ITPKC: variants seen among roughly 807,000 people sequenced by gnomAD.
ITPKC encodes the protein inositol-trisphosphate 3-kinase C.
A neutral mutation model predicts 67.1 loss-of-function variants in ITPKC; 33 were observed. That is an observed-to-expected ratio of 0.49 (90% CI 0.37 to 0.66). The LOEUF (loss-of-function observed/expected upper bound fraction) is 0.66, where lower values mean the gene tolerates loss of function less well. Among genes scored for constraint, ITPKC ranks in the 30% least tolerant of loss-of-function variants. ITPKC has a pLI of 0.00. For missense variants in ITPKC, 820 were observed against 892.1 expected, an observed-to-expected ratio of 0.92 and a Z score of 1.03; for synonymous variants, 341 against 359.8, an observed-to-expected ratio of 0.95 and a Z score of 0.59.
In ITPKC at chr19:40,740,587, G is replaced by T. The variant is rs1046109162; in HGVS notation, c.*1027G>T. On this transcript the variant is annotated 3_prime_UTR_variant, in exon 7 of 7. Coordinates refer to ENST00000263370, the MANE Select transcript of ITPKC (RefSeq NM_025194.3). The stretch of plus-strand genomic sequence containing the variant: ...AAACCAAAGACTGTAGAACCCTGGG[G>T]TGTGGCTAACGGCCCCTCCAGCACC... 1 of 223,566 alleles carries T rather than the reference G, an allele frequency of 4.5e-6. No homozygotes were observed. The highest frequency in any genetic ancestry group is 8.9e-5 in the East Asian group (1 of 11,206). The allele number at this position is 223,566 out of a possible 1,614,324, so 13.8% of individuals were successfully genotyped here.
In ITPKC at chr19:40,739,473, G is replaced by A. The variant is rs1228164428; in HGVS notation, c.1965G>A (p.Leu655=). Residue 655 remains leucine, a synonymous_variant, in exon 7 of 7, where the codon CTG becomes CTA. Transcript: ENST00000263370. ...LPDHQTLSHR[L]PWAEGNREDG... ...ACCACCAGACGCTCAGCCACAGGCT[G>A]CCCTGGGCTGAGGGCAACCGTGAGG... 6.2e-7 allele frequency: 1 copy of A among 1,613,522 alleles called. No individual in the cohort carries two copies. The highest frequency in any genetic ancestry group is 8.5e-7 in the Non-Finnish European group (1 of 1,180,034).
Position 40,740,130 on chromosome 19 carries a change from G to A in ITPKC, c.*570G>A, listed in dbSNP as rs559324942. The A allele has an allele frequency of 6.5e-6, 1 of 154,548 alleles. No homozygotes were observed. Among genetic ancestry groups the A allele is most frequent in the African/African-American group, 2.4e-5 (1 of 41,596 alleles). 9.6% of individuals were successfully genotyped at this position (154,548 alleles called of 1,614,324 possible). A position where few individuals can be genotyped will look rare whatever the true frequency, so the allele number is the denominator to read the frequency against. On this transcript the variant is annotated 3_prime_UTR_variant, in exon 7 of 7. Transcript: ENST00000263370. ...GAGCGACAAGAGGCTCAGAGGGCAT[G>A]ACCCCATGGGACTGGATGCGGCCTG...
At chr19:40,726,646 T>C (rs1295236064) in intron 2 of ITPKC, among the ~76,000 whole-genome samples, 1 of 152,194 alleles carries the variant, frequency 6.6e-6, no homozygotes, top group Non-Finnish European at 1.5e-5. Flanking sequence ...GCCTTGTTTG[T>C]CTTTAGATCT....
chr19:40,721,139 A>T (rs2082220302), intron 1 of ITPKC, among the ~76,000 whole-genome samples: 1 of 151,898 alleles, frequency 6.6e-6, no homozygotes, highest in Non-Finnish European at 1.5e-5. Flanking sequence ...TTGCTGGGGA[A>T]ACAGCAGTGA....
Position 40,733,332 on chromosome 19 carries a change from T to A in ITPKC, c.1642T>A (p.Ser548Thr). The A allele has an allele frequency of 6.2e-7, 1 of 1,613,054 alleles. No homozygotes were observed. Among genetic ancestry groups the A allele is most frequent in the Non-Finnish European group, 8.5e-7 (1 of 1,179,550 alleles). Residue 548 changes from serine to threonine, a missense_variant, in exon 4 of 7, where the codon TCT becomes ACT. Coordinates refer to ENST00000263370, the MANE Select transcript of ITPKC (RefSeq NM_025194.3). ...GTGGAGGGAAACCATGAGCTCCACC[T>A]CTACCCTGGGCTTCCGGATCGAGGG... ...MQWRETMSST[S>T]TLGFRIEGIK... is the part of the protein sequence containing the mutation.
chr19:40,733,294 C>T lies in ITPKC; in HGVS notation c.1604C>T (p.Pro535Leu), dbSNP rs762643545. The change falls in exon 4 of 7, where the codon CCC (proline) becomes CTC (leucine). Residue 535 changes from proline to leucine, a missense_variant. Coordinates refer to ENST00000263370, the MANE Select transcript of ITPKC (RefSeq NM_025194.3). ...EEHAQGAVTK[P>L]RYMQWRETMS... ...CATGCCCAGGGTGCAGTCACCAAGC[C>T]CCGCTACATGCAGTGGAGGGAAACC... 2.5e-6 allele frequency: 4 copies of T among 1,613,924 alleles called. No individual in the cohort carries two copies. Among genetic ancestry groups the T allele is most frequent in the Admixed American group, 1.7e-5 (1 of 59,988 alleles).
intron 4 of ITPKC, among the ~76,000 whole-genome samples, chr19:40,734,579 C>T (rs1483749321): frequency 6.6e-6 from 1 of 151,888 alleles, no homozygotes; most frequent in East Asian, 1.9e-4. Context: ...GTAGGGCCCT[C>T]TAGGATCTAG....
At chr19:40,736,878 T>C in intron 4 of ITPKC, 108 bp from the exon 5 acceptor site, 1 of 644,950 alleles carries the variant, frequency 1.6e-6, no homozygotes, top group Non-Finnish European at 2.8e-6. Flanking sequence ...TTGCCCAGGC[T>C]GGTCTTGGCC....
intron 1 of ITPKC, among the ~76,000 whole-genome samples, chr19:40,721,316 A>G (rs948964658): frequency 6.6e-6 from 1 of 151,648 alleles, no homozygotes; most frequent in African/African-American, 2.4e-5. Flanking sequence ...AGCTGAGACC[A>G]TTGTGAAAAA....
At chr19:40,737,945 G>A (rs2082302452) in intron 6 of ITPKC, among the ~76,000 whole-genome samples, 176 bp downstream of exon 6, 1 of 148,746 alleles carries the variant, frequency 6.7e-6, no homozygotes, top group Non-Finnish European at 1.5e-5. Context: ...GAGCCCAGGA[G>A]TGCCAAGACC....
At chr19:40,735,118 T>C (rs1048283088) in intron 4 of ITPKC, among the ~76,000 whole-genome samples, 6 of 151,930 alleles carry the variant, frequency 3.9e-5, no homozygotes. Context: ...GGGGTTTCAC[T>C]ATGTTGACCA....
chr19:40,725,289 C>G, intron 1 of ITPKC, 51 bp from the exon 2 acceptor site: 1 of 1,225,558 alleles, frequency 8.2e-7, no homozygotes, highest in South Asian at 1.2e-5. Flanking sequence ...ACCTCTAGCC[C>G]CTGCCTTCCC....
In ITPKC at chr19:40,718,146, T is replaced by C; in HGVS notation, c.1011T>C (p.Pro337=). Residue 337 remains proline (P), a synonymous_variant, in exon 1 of 7, where the codon CCT becomes CCC. Coordinates refer to ENST00000263370, the MANE Select transcript of ITPKC (RefSeq NM_025194.3). ...GCCTCATCATTACCCCTGAGACCCCTGAGCCTGAGGCCCAGCCAGTGGGAC... is the reference window on the plus strand; with the variant it reads ...GCCTCATCATTACCCCTGAGACCCCCGAGCCTGAGGCCCAGCCAGTGGGAC... The part of the protein sequence containing the change: ...VPRLIITPET[P]EPEAQPVGPP... 6.2e-7 allele frequency: 1 copy of C among 1,605,338 alleles called. No individual in the cohort carries two copies. The highest frequency in any genetic ancestry group is 8.5e-7 in the Non-Finnish European group (1 of 1,176,558).
intron 5 of ITPKC, 70 bp downstream of exon 5, chr19:40,737,157 CA>C: frequency 9.6e-7 from 1 of 1,043,460 alleles, no homozygotes; most frequent in Non-Finnish European, 1.4e-6. Context: ...GCTCCAGAGT[CA>C]GTGGTCTTCT....
chr19:40,729,155 C>T (rs745891358), intron 2 of ITPKC, 47 bp from the exon 3 acceptor site: 27 of 1,505,616 alleles, frequency 1.8e-5, no homozygotes, highest in African/African-American at 6.9e-5. Flanking sequence ...GAGAGGTTCT[C>T]TTCCTGATCC....
At chr19:40,723,688 G>A (rs543908678) in intron 1 of ITPKC, among the ~76,000 whole-genome samples, 1 of 151,952 alleles carries the variant, frequency 6.6e-6, no homozygotes, top group African/African-American at 2.4e-5. Context: ...GTAGAGGTGG[G>A]GTTTCACCAT....
intron 2 of ITPKC, among the ~76,000 whole-genome samples, chr19:40,727,938 C>T (rs1458981156): frequency 6.6e-6 from 1 of 152,164 alleles, no homozygotes; most frequent in Non-Finnish European, 1.5e-5. Flanking sequence ...CCTCAACCTC[C>T]CAGAGTGTTG....
rs375750523 is a variant in ITPKC at position 40,718,034 on chromosome 19, A to T, written c.899A>T (p.Asp300Val). The change falls in exon 1 of 7, where the codon GAT becomes GTT. Residue 300 changes from aspartate (D) to valine (V), a missense_variant. Physicochemically the swap from Asp to Val is radical, Grantham distance 152. Transcript: ENST00000263370. ...GTDCLLGEPE[D>V]GPLEEPEPGE... ...GACTGCCTCTTGGGAGAGCCTGAGG[A>T]TGGCCCATTAGAGGAACCAGAGCCT... is the stretch of plus-strand genomic sequence containing the variant. 45 of 1,614,004 alleles carry T rather than the reference A, an allele frequency of 2.8e-5. No individual in the cohort carries two copies. The highest frequency in any genetic ancestry group is 3.4e-6 in the Non-Finnish European group (4 of 1,180,028).
Position 40,739,396 on chromosome 19 carries a change from G to C in ITPKC, c.1888G>C (p.Gly630Arg). Residue 630 changes from glycine to arginine, a missense_variant, in exon 7 of 7, where the codon GGC becomes CGC. By Grantham distance (125) the Gly-to-Arg change is moderately radical. This residue lies in a region of ITPKC where 339 missense variants were observed against 422.0 expected (regional missense o/e 0.80). Coordinates refer to ENST00000263370, the MANE Select transcript of ITPKC (RefSeq NM_025194.3). ...CCTCCTCTTCGTGCACGACCACACC[G>C]GCCTGGCCAAGGTCTGGATGATAGA... ...SSLLFVHDHTGLAKVWMIDFG... is the reference protein window; with the variant it reads ...SSLLFVHDHTRLAKVWMIDFG... 6.2e-7 allele frequency: 1 copy of C among 1,613,748 alleles called. No homozygotes were observed.
Sources: gnomAD v4.1 joint callset for allele counts (sites outside exome capture counted in the v4.1 genomes callset) on GRCh38, gnomAD v4.1.1 for gene constraint, gnomAD v4.1.1 regional missense constraint, MANE v1.5 for transcripts, NCBI Gene and HGNC (gene_info 2026-07-23, HGNC 2026-07-21) for gene names.